Variants in TCF20 observed in about 807,000 individuals in gnomAD.
TCF20 encodes transcription factor 20.
TCF20 carries 3 observed loss-of-function variants against 148.6 expected under a neutral mutation model. The observed-to-expected ratio is 0.02, with a 90% CI of 0.01 to 0.05. TCF20 has a LOEUF of 0.05. TCF20 is among the 10% of genes least tolerant of loss of function. The pLI, the probability that TCF20 is intolerant of heterozygous loss-of-function variation, is 1.00. For synonymous variants in TCF20, 1,049 were observed against 909.5 expected, an observed-to-expected ratio of 1.15 and a Z score of -2.76; for missense variants, 2,350 against 2,429.3, an observed-to-expected ratio of 0.97 and a Z score of 0.69.
At chr22:42,305,487 C>T (rs562508524) in intron 1 of TCF20, among the ~76,000 whole-genome samples, 18 of 152,290 alleles carry the variant, frequency 1.2e-4, no homozygotes, top group Middle Eastern at 3.4e-3. Context: ...CCAGGGGAGA[C>T]CAGACCCCTG....
rs1007004372 is a variant in TCF20 at position 42,161,054 on chromosome 22, T to TTA, written c.*347_*348dup. On this transcript the variant is annotated 3_prime_UTR_variant, in exon 6 of 6. Coordinates refer to ENST00000677622, the MANE Select transcript of TCF20 (RefSeq NM_001378418.1). ...AAGTCTTTCCAGACTAAAAATAGATTTATATATATATATTTATCCCTCCCT... is the reference window on the plus strand; with the variant it reads ...AAGTCTTTCCAGACTAAAAATAGATTTATATATATATATATTTATCCCTCCCT... 12 of 325,438 alleles carry TTA rather than the reference T, an allele frequency of 3.7e-5. No homozygotes were observed. Among genetic ancestry groups the TTA allele is most frequent in the South Asian group, 1.0e-4 (1 of 9,716 alleles). The allele number at this position is 325,438 out of a possible 1,614,324, so 20.2% of individuals were successfully genotyped here.
chr22:42,273,023 T>A (rs5758692), upstream of TCF20, among the ~76,000 whole-genome samples: 27,270 of 151,590 alleles, frequency 0.18, 2,667 homozygotes, highest in East Asian at 0.34. Context: ...AGAAAAAAAT[T>A]TTTTTTTAAT....
At chr22:42,263,010 C>G (rs1395873562) in intron 1 of TCF20, among the ~76,000 whole-genome samples, 1 of 152,118 alleles carries the variant, frequency 6.6e-6, no homozygotes, top group Non-Finnish European at 1.5e-5. Flanking sequence ...TGGACAGCTA[C>G]CATTCTGAGT....
chr22:42,266,240 G>A (rs1926280820), intron 1 of TCF20, among the ~76,000 whole-genome samples: 1 of 152,180 alleles, frequency 6.6e-6, no homozygotes, highest in Non-Finnish European at 1.5e-5. Flanking sequence ...AGCCTCATTA[G>A]CTCTACCAGC....
intron 1 of TCF20, among the ~76,000 whole-genome samples, chr22:42,266,783 C>T (rs1005068037): frequency 6.6e-6 from 1 of 151,932 alleles, no homozygotes; most frequent in South Asian, 2.1e-4. Context: ...CGTCTCAAAA[C>T]AAACAAACAA....
chr22:42,174,084 T>A (rs781356300), intron 3 of TCF20, among the ~76,000 whole-genome samples: 1 of 152,104 alleles, frequency 6.6e-6, no homozygotes, highest in Non-Finnish European at 1.5e-5. Context: ...AAGCTTCCAC[T>A]AGAGGAGAGG....
chr22:42,258,910 G>C (rs74591604), intron 1 of TCF20, among the ~76,000 whole-genome samples: 3,309 of 152,242 alleles, frequency 0.022, 135 homozygotes, highest in African/African-American at 0.075. Flanking sequence ...GATTCTCCCT[G>C]CATCTGTATT....
upstream of TCF20, chr22:42,274,008 G>C (rs1229306598): frequency 6.5e-6 from 1 of 152,684 alleles, no homozygotes; most frequent in Non-Finnish European, 1.5e-5. Context: ...CAGAGCAGGC[G>C]GATGTCCTTC....
chr22:42,166,780 A>G (rs569039740), intron 5 of TCF20, among the ~76,000 whole-genome samples: 1 of 152,210 alleles, frequency 6.6e-6, no homozygotes, highest in South Asian at 2.1e-4. Context: ...AACAAAAAAC[A>G]CTTAAGCTCT....
rs760541526 is a variant in TCF20 at position 42,212,172 on chromosome 22, C to T, written c.3134G>A (p.Arg1045Gln). 1.9e-6 allele frequency: 3 copies of T among 1,614,192 alleles called. No individual in the cohort carries two copies. Among genetic ancestry groups the T allele is most frequent in the South Asian group, 2.2e-5 (2 of 91,082 alleles). ...AGAAAAGGGAGTGTGTAAAGAACTC[C>T]GGTTAGCCCTCTCTGAAAAGGTCAT... Reference protein sequence around the residue: ...PHMTFSERANRSSLHTPFSPN... With the variant: ...PHMTFSERANQSSLHTPFSPN... The change falls in exon 2 of 6, where the codon CGG becomes CAG. Residue 1045 changes from arginine (R) to glutamine (Q), a missense_variant. This residue lies in a region of TCF20 where 1,641 missense variants were observed against 1,662.6 expected (regional missense o/e 0.99). Coordinates refer to ENST00000677622, the MANE Select transcript of TCF20 (RefSeq NM_001378418.1).
At chr22:42,285,351 C>A (rs536038905), upstream of TCF20, among the ~76,000 whole-genome samples, 14 of 152,140 alleles carry the variant, frequency 9.2e-5, no homozygotes, top group Admixed American at 3.3e-4. The surrounding 1 kb of genome is among the most constrained non-coding windows in gnomAD (Gnocchi z 4.2). Context: ...GCAGCTCCCA[C>A]CGACTATAAA....
At chr22:42,337,711 A>G (rs1928090127) in intron 1 of TCF20, among the ~76,000 whole-genome samples, 1 of 152,222 alleles carries the variant, frequency 6.6e-6, no homozygotes, top group Non-Finnish European at 1.5e-5. Flanking sequence ...TGATTTATAT[A>G]ACTAAATATT....
At chr22:42,253,324 A>G (rs7285545) in intron 1 of TCF20, among the ~76,000 whole-genome samples, 2,374 of 152,290 alleles carry the variant, frequency 0.016, 55 homozygotes, top group African/African-American at 0.054. Context: ...GGGTTCCAGA[A>G]AGAGAATTTC....
intron 1 of TCF20, among the ~76,000 whole-genome samples, chr22:42,277,999 G>A (rs1271429252): frequency 6.6e-6 from 1 of 152,262 alleles, no homozygotes; most frequent in African/African-American, 2.4e-5. Flanking sequence ...ACGCTTATCA[G>A]CATTTCCCTG....
chr22:42,165,262 G>C (rs1199441421), intron 5 of TCF20, among the ~76,000 whole-genome samples: 1 of 152,240 alleles, frequency 6.6e-6, no homozygotes, highest in Non-Finnish European at 1.5e-5. Flanking sequence ...TCCAGGGGCA[G>C]GGGGGCCACG....
chr22:42,251,519 T>TTC (rs1925366092), intron 1 of TCF20, among the ~76,000 whole-genome samples: 1 of 139,796 alleles, frequency 7.2e-6, no homozygotes, highest in Non-Finnish European at 1.6e-5. Context: ...TTTTTTTTTT[T>TTC]TGAGACAGAA....
chr22:42,261,239 C>T (rs1365921460), intron 1 of TCF20, among the ~76,000 whole-genome samples: 3 of 151,688 alleles, frequency 2.0e-5, no homozygotes, highest in Non-Finnish European at 4.4e-5. Context: ...TCTACTGTCT[C>T]GCTGATGGAC....
chr22:42,293,973 C>T (rs1927179891), intron 1 of TCF20, among the ~76,000 whole-genome samples: 1 of 152,254 alleles, frequency 6.6e-6, no homozygotes, highest in Non-Finnish European at 1.5e-5. Context: ...GCACTCCACC[C>T]TGGGCCACAA....
intron 1 of TCF20, among the ~76,000 whole-genome samples, chr22:42,235,289 G>A (rs1163700921): frequency 2.0e-5 from 3 of 152,180 alleles, no homozygotes; most frequent in Non-Finnish European, 4.4e-5. Flanking sequence ...GCAGTTTGCT[G>A]TCTTTCCCAA....
Sources: allele counts gnomAD v4.1 joint callset (sites outside exome capture counted in the v4.1 genomes callset), GRCh38; gene constraint gnomAD v4.1.1; regional missense constraint gnomAD v4.1.1; non-coding constraint Gnocchi (gnomAD v3.1); transcripts MANE v1.5; gene names NCBI Gene and HGNC (gene_info 2026-07-23, HGNC 2026-07-21).